Variants in SHANK2 observed in about 807,000 individuals in gnomAD.
The protein encoded by SHANK2 is SH3 and multiple ankyrin repeat domains protein 2.
A neutral mutation model predicts 133.7 loss-of-function variants in SHANK2; 43 were observed. The observed-to-expected ratio is 0.32, with a 90% confidence interval of 0.25 to 0.41. SHANK2 has a LOEUF of 0.41. Ranked by LOEUF, SHANK2 falls within the 10% of genes least tolerant of loss-of-function variation. The pLI is 1.00. For synonymous variants in SHANK2, 1,017 were observed against 952.8 expected (o/e 1.07, Z -1.24); for missense variants, 1,994 against 2,235.8 (o/e 0.89, Z 2.18).
chr11:70,490,898 T>TG (rs1312797198), intron 22 of SHANK2, among the ~76,000 whole-genome samples: 1 of 152,206 alleles, frequency 6.6e-6, no homozygotes, highest in Non-Finnish European at 1.5e-5. Flanking sequence ...AACCAGGTAT[T>TG]GTGGTGGTGT....
chr11:70,791,484 G>T (rs533768565), intron 14 of SHANK2, among the ~76,000 whole-genome samples: 56 of 152,284 alleles, frequency 3.7e-4, no homozygotes, highest in African/African-American at 1.3e-3. Flanking sequence ...ATAAATCTGG[G>T]CATGCCTCTG....
chr11:70,743,779 T>C (rs1946581702), intron 14 of SHANK2, among the ~76,000 whole-genome samples: 1 of 152,158 alleles, frequency 6.6e-6, no homozygotes, highest in Admixed American at 6.5e-5. Context: ...AGCTCCTACA[T>C]TCCCTGTCCA....
At chr11:70,927,494 G>A (rs1318249258) in intron 10 of SHANK2, among the ~76,000 whole-genome samples, 1 of 151,910 alleles carries the variant, frequency 6.6e-6, no homozygotes, top group African/African-American at 2.4e-5. Flanking sequence ...GGAGAGGGCA[G>A]GCGAGTCAAC....
chr11:70,777,794 T>G (rs1947397825), intron 14 of SHANK2, among the ~76,000 whole-genome samples: 1 of 152,192 alleles, frequency 6.6e-6, no homozygotes, highest in South Asian at 2.1e-4. Context: ...TGATCCCAGC[T>G]CATCAAACAC....
chr11:70,898,513 C>A (rs1949974614), intron 10 of SHANK2, among the ~76,000 whole-genome samples: 1 of 152,008 alleles, frequency 6.6e-6, no homozygotes, highest in Non-Finnish European at 1.5e-5. Context: ...GAACACGTTA[C>A]TGGAAACTGG....
At position 71,057,856 on chromosome 11, in the gene SHANK2, C is replaced by CT. The variant is rs1311086444; in HGVS notation, c.1030-1299dup. Among the ~76,000 whole-genome samples the CT allele has an allele frequency of 7.5e-3, 1,023 of 136,924 alleles. 4 individuals are homozygous for CT. Among genetic ancestry groups the CT allele is most frequent in the African/African-American group, 7.1e-3 (250 of 35,170 alleles). The allele number at this position is 136,924 out of a possible 152,430, so 89.8% of individuals were successfully genotyped here. On this transcript the variant is annotated intron_variant, in intron 9 of 25. Coordinates refer to ENST00000601538, the MANE Select transcript of SHANK2 (RefSeq NM_012309.5). ...GAACCACCATGCCTGACCAGAGATT[C>CT]TTTTTTTTTTAATATGTGGGCTTAT...
At chr11:70,926,220 C>T (rs1314992242) in intron 10 of SHANK2, among the ~76,000 whole-genome samples, 3 of 152,108 alleles carry the variant, frequency 2.0e-5, no homozygotes, top group Non-Finnish European at 4.4e-5. Context: ...CCAGCCTGGG[C>T]AACAGAGTGA....
intron 1 of SHANK2, among the ~76,000 whole-genome samples, chr11:71,229,765 G>GAAAAAA (rs55730780): frequency 1.2e-3 from 143 of 116,446 alleles, no homozygotes; most frequent in Non-Finnish European, 2.0e-3. Context: ...TCTCAAAAAA[G>GAAAAAA]AAAAAAAAAA....
chr11:70,761,481 G>A (rs1403656846), intron 14 of SHANK2, among the ~76,000 whole-genome samples: 7 of 152,236 alleles, frequency 4.6e-5, no homozygotes, highest in African/African-American at 1.7e-4. Flanking sequence ...ACAGAACGAG[G>A]CACCATGTCT....
chr11:70,939,446 C>A (rs1231560057), intron 10 of SHANK2, among the ~76,000 whole-genome samples: 3 of 151,840 alleles, frequency 2.0e-5, no homozygotes, highest in Non-Finnish European at 4.4e-5. Context: ...CCATTGCACT[C>A]CAGCCTGGGC....
At chr11:70,583,667 A>G (rs2060212080) in intron 17 of SHANK2, among the ~76,000 whole-genome samples, 1 of 152,188 alleles carries the variant, frequency 6.6e-6, no homozygotes, top group Non-Finnish European at 1.5e-5. Flanking sequence ...TGAGTGGCTC[A>G]GGATAAAATC....
At chr11:70,649,554 C>T (rs1437378739) in intron 17 of SHANK2, among the ~76,000 whole-genome samples, 1 of 152,164 alleles carries the variant, frequency 6.6e-6, no homozygotes, top group Non-Finnish European at 1.5e-5. Flanking sequence ...ATGAAACTCC[C>T]CACGAAAGGG....
chr11:71,140,074 T>C lies in SHANK2; in HGVS notation c.207+7046A>G, dbSNP rs1272004091. Among the ~76,000 whole-genome samples, 3 of 152,154 alleles carry C rather than the reference T, an allele frequency of 2.0e-5. No individual in the cohort carries two copies. In the East Asian group the frequency reaches 5.8e-4, roughly 29 times the overall value. On this transcript the variant is annotated intron_variant, in intron 3 of 25. Transcript: ENST00000601538. ...CCTCCGGGCAGGGTTCCAGGAACTG[T>C]CTCGTGTCCCTGGCTCCACAGAGGA...
chr11:71,228,094 A>G (rs782729751), intron 1 of SHANK2, among the ~76,000 whole-genome samples: 15 of 152,204 alleles, frequency 9.9e-5, no homozygotes, highest in Non-Finnish European at 1.9e-4. Flanking sequence ...CCCTGCAGAC[A>G]TGAAAAAGAT....
Position 70,487,340 on chromosome 11 carries a change from G to A in SHANK2, c.2953C>T (p.Pro985Ser), listed in dbSNP as rs966599532. ...CCCACCTCTGAGTATGGGTTTTCTG[G>A]CATCTGGCCTCTCTTGTTGCGGAAG... ...ANFRNKRGQM[P>S]ENPYSEVGKI... The change falls in exon 25 of 26, where the codon CCA becomes TCA. Residue 985 changes from proline (P) to serine (S), a missense_variant. By Grantham distance (74) the Pro-to-Ser change is moderately conservative (BLOSUM62 -1). This residue lies in a region of SHANK2 where 488 missense variants were observed against 642.6 expected (regional missense o/e 0.76). Transcript: ENST00000601538. The surrounding 1 kb of genome is among the most constrained non-coding windows in gnomAD (Gnocchi z 5.8). 1 of 1,614,054 alleles carries A rather than the reference G, an allele frequency of 6.2e-7. No individual in the cohort carries two copies. Among genetic ancestry groups the A allele is most frequent in the African/African-American group, 1.3e-5 (1 of 74,910 alleles).
intron 11 of SHANK2, among the ~76,000 whole-genome samples, chr11:70,879,838 A>G (rs905732102): frequency 2.0e-5 from 3 of 152,160 alleles, no homozygotes; most frequent in Admixed American, 2.0e-4. Context: ...CCAGGCCTGG[A>G]GAGCCAGGGA....
chr11:70,817,216 G>A (rs552563921), intron 12 of SHANK2, among the ~76,000 whole-genome samples: 2 of 152,342 alleles, frequency 1.3e-5, no homozygotes, highest in African/African-American at 2.4e-5. Flanking sequence ...AGGAGGGGAC[G>A]TCAGTGCCAC....
chr11:70,644,101 T>A (rs1196403993), intron 17 of SHANK2, among the ~76,000 whole-genome samples: 3 of 152,194 alleles, frequency 2.0e-5, no homozygotes, highest in African/African-American at 7.2e-5. Context: ...AAAGCCCAAC[T>A]ATTCAAAAGT....
intron 6 of SHANK2, among the ~76,000 whole-genome samples, chr11:71,107,665 T>G (rs1400499512): frequency 1.3e-5 from 2 of 152,194 alleles, no homozygotes; most frequent in Non-Finnish European, 2.9e-5. Context: ...ATCCAGGATT[T>G]GAGTGGCAGC....
Sources: gnomAD v4.1 joint callset for allele counts (sites outside exome capture counted in the v4.1 genomes callset) on GRCh38, gnomAD v4.1.1 for gene constraint, gnomAD v4.1.1 regional missense constraint, Gnocchi (gnomAD v3.1) non-coding constraint, MANE v1.5 for transcripts, NCBI Gene and HGNC (gene_info 2026-07-23, HGNC 2026-07-21) for gene names.